The following PGM5 variants were observed in gnomAD, a reference collection of about 807,000 sequenced individuals.
PGM5 encodes phosphoglucomutase 5.
PGM5 carries 23 observed loss-of-function variants against 59.2 expected under a neutral mutation model. The ratio of observed to expected loss-of-function variants is 0.39; its 90% CI spans 0.28 to 0.55. The LOEUF (loss-of-function observed/expected upper bound fraction) is 0.55, where lower values mean the gene tolerates loss of function less well. Among genes scored for constraint, PGM5 ranks in the 20% least tolerant of loss-of-function variants. The pLI, the probability that PGM5 is intolerant of heterozygous loss-of-function variation, is 0.66. For synonymous variants in PGM5, 214 were observed against 286.0 expected (o/e 0.75, Z 2.54); for missense variants, 574 against 748.3 (o/e 0.77, Z 2.72).
chr9:68,414,498 A>G (rs1294969952), intron 6 of PGM5, among the ~76,000 whole-genome samples: 2 of 152,054 alleles, frequency 1.3e-5, no homozygotes, highest in South Asian at 2.1e-4. Flanking sequence ...TCCCGCTGTC[A>G]GTCTCCCCAC....
intron 7 of PGM5, 77 bp from the exon 8 acceptor site, chr9:68,479,341 C>A: frequency 2.3e-6 from 3 of 1,329,200 alleles, no homozygotes; most frequent in South Asian, 1.4e-5. Flanking sequence ...CAATCACTAA[C>A]TGGTCTTCTT....
intron 1 of PGM5, among the ~76,000 whole-genome samples, chr9:68,366,807 A>C (rs1230063886): frequency 6.6e-6 from 1 of 152,074 alleles, no homozygotes; most frequent in Non-Finnish European, 1.5e-5. Flanking sequence ...TGTTGGGAGG[A>C]TTGAATGTGA....
intron 6 of PGM5, among the ~76,000 whole-genome samples, chr9:68,444,515 T>G (rs925556757): frequency 2.0e-4 from 31 of 152,322 alleles, no homozygotes; most frequent in South Asian, 2.1e-4. Context: ...AGGAATTATG[T>G]ATGGGCAATC....
chr9:68,479,546 T>A lies in PGM5; in HGVS notation c.1288T>A (p.Tyr430Asn), dbSNP rs782120322. ...CTGGGCCAAATTTGGCCGCCACTAC[T>A]ATTGCAGGTGAGGAGAAGGGGAAGG... ...DHWAKFGRHY[Y>N]CRFDYEGLDP... The change falls in exon 8 of 11, where the codon TAT becomes AAT. Residue 430 changes from tyrosine (Y) to asparagine (N), a missense_variant. By Grantham distance (143) the Tyr-to-Asn change is moderately radical (BLOSUM62 -2). Transcript: ENST00000396396. The A allele has an allele frequency of 6.2e-7, 1 of 1,613,972 alleles. No homozygotes were observed.
At chr9:68,457,965 A>G (rs1823804157) in intron 6 of PGM5, among the ~76,000 whole-genome samples, 1 of 152,240 alleles carries the variant, frequency 6.6e-6, no homozygotes, top group Non-Finnish European at 1.5e-5. Flanking sequence ...ACTATCTCTC[A>G]ACTTAGCTGG....
At chr9:68,527,732 G>A (rs1252563828) in intron 10 of PGM5, among the ~76,000 whole-genome samples, 2 of 138,658 alleles carry the variant, frequency 1.4e-5, no homozygotes, top group African/African-American at 5.4e-5. Context: ...CAGCTTCCAG[G>A]AGTCTATGTG....
At chr9:68,396,217 T>A (rs1440194659) in intron 6 of PGM5, 1 of 152,196 alleles carries the variant, frequency 6.6e-6, no homozygotes, top group African/African-American at 2.4e-5. Context: ...ATTAAAGATG[T>A]TGAACCAATG....
At chr9:68,411,500 A>ATATATATT (rs1563998446) in intron 6 of PGM5, among the ~76,000 whole-genome samples, 1 of 147,776 alleles carries the variant, frequency 6.8e-6, no homozygotes, top group African/African-American at 2.5e-5. Flanking sequence ...ATATATATAT[A>ATATATATT]TATGATTTTC....
chr9:68,423,138 G>T (rs1006659722), intron 6 of PGM5, among the ~76,000 whole-genome samples: 2 of 152,102 alleles, frequency 1.3e-5, no homozygotes, highest in Non-Finnish European at 2.9e-5. Context: ...TGGGCATTTG[G>T]GTTGGTTCCA....
chr9:68,377,388 A>G (rs1343804286), intron 1 of PGM5, among the ~76,000 whole-genome samples: 3 of 152,350 alleles, frequency 2.0e-5, no homozygotes, highest in South Asian at 2.1e-4. Flanking sequence ...CAATATAATC[A>G]GTCTAGAATA....
chr9:68,479,114 T>G (rs1824149980), intron 7 of PGM5, among the ~76,000 whole-genome samples: 1 of 152,210 alleles, frequency 6.6e-6, no homozygotes, highest in African/African-American at 2.4e-5. Flanking sequence ...GCCTGATATA[T>G]TGTAGGGGTC....
In PGM5 at chr9:68,391,639, A is replaced by T; in HGVS notation, c.803A>T (p.Asp268Val). 1 of 1,613,402 alleles carries T rather than the reference A, an allele frequency of 6.2e-7. No homozygotes were observed. The highest frequency in any genetic ancestry group is 8.5e-7 in the Non-Finnish European group (1 of 1,179,478). ...GAAGACTTTGGAGGGCAGCACCCTG[A>T]CCCAAACCTGACATATGCAACGACT... ...PLEDFGGQHP[D>V]PNLTYATTLL... is the part of the protein sequence containing the mutation. The change falls in exon 5 of 11, where the codon GAC becomes GTC. Residue 268 changes from aspartate (D) to valine (V), a missense_variant. Coordinates refer to ENST00000396396, the MANE Select transcript of PGM5 (RefSeq NM_021965.4).
At chr9:68,521,880 C>T (rs1035586509) in intron 10 of PGM5, among the ~76,000 whole-genome samples, 2 of 152,216 alleles carry the variant, frequency 1.3e-5, no homozygotes, top group Admixed American at 1.3e-4. Flanking sequence ...TCAGCTGCTC[C>T]TACAGACAGC....
intron 6 of PGM5, among the ~76,000 whole-genome samples, chr9:68,434,201 G>A (rs782387899): frequency 7.9e-5 from 12 of 150,970 alleles, no homozygotes; most frequent in Admixed American, 2.0e-4. Context: ...CCTGTAACCC[G>A]AGCTACTTGG....
chr9:68,455,331 C>T (rs1823757172), intron 6 of PGM5, among the ~76,000 whole-genome samples: 1 of 152,012 alleles, frequency 6.6e-6, no homozygotes, highest in Non-Finnish European at 1.5e-5. Flanking sequence ...GAGTTTTGGC[C>T]CTGAGAGATA....
chr9:68,408,946 G>C (rs2132036816), intron 6 of PGM5, among the ~76,000 whole-genome samples: 1 of 151,642 alleles, frequency 6.6e-6, no homozygotes, highest in South Asian at 2.1e-4. Flanking sequence ...TCTCTGTTTT[G>C]GTACCAGTAC....
chr9:68,527,575 G>T (rs927388415), intron 10 of PGM5, among the ~76,000 whole-genome samples: 5 of 152,188 alleles, frequency 3.3e-5, no homozygotes, highest in African/African-American at 1.2e-4. Flanking sequence ...ATATGTCCTG[G>T]CAAAATGTGC....
chr9:68,481,842 T>C (rs551292270), intron 8 of PGM5, among the ~76,000 whole-genome samples: 1 of 152,324 alleles, frequency 6.6e-6, no homozygotes, highest in African/African-American at 2.4e-5. Flanking sequence ...ATACATAGAA[T>C]GAAAGGTAAA....
rs1823454267 is a variant in PGM5 at position 68,437,227 on chromosome 9, A to G, written c.1044-27866A>G. On this transcript the variant is annotated intron_variant, in intron 6 of 10. Coordinates refer to ENST00000396396, the MANE Select transcript of PGM5 (RefSeq NM_021965.4). This position sits in a 1 kb window ranked among gnomAD's most constrained non-coding sequence, Gnocchi z 4.1. Reference sequence around the variant, plus strand: ...TTCTTGGCAACATAGATTAATGATCATTTTTGAGATTTTTCTCTCTTTTAT... The same window carrying G: ...TTCTTGGCAACATAGATTAATGATCGTTTTTGAGATTTTTCTCTCTTTTAT... 6.6e-6 allele frequency among the ~76,000 whole-genome samples: 1 copy of G among 152,158 alleles called. No homozygotes were observed. The highest frequency in any genetic ancestry group is 1.5e-5 in the Non-Finnish European group (1 of 68,020).
Sources: gnomAD v4.1 joint callset for allele counts (sites outside exome capture counted in the v4.1 genomes callset) on GRCh38, gnomAD v4.1.1 for gene constraint, Gnocchi (gnomAD v3.1) non-coding constraint, MANE v1.5 for transcripts, NCBI Gene and HGNC (gene_info 2026-07-23, HGNC 2026-07-21) for gene names.